The following TMPRSS7 variants were observed in gnomAD, a reference collection of about 807,000 sequenced individuals.
TMPRSS7 encodes the protein transmembrane serine protease 7, also known as transmembrane protease serine 7.
Under a neutral mutation model 95.6 loss-of-function variants are expected in TMPRSS7, and 81 were observed. That is an observed-to-expected ratio of 0.85 (90% CI 0.71 to 1.02). TMPRSS7 has a LOEUF of 1.02. Ranked by LOEUF, TMPRSS7 falls within the 50% of genes least tolerant of loss-of-function variation. The probability of loss-of-function intolerance (pLI) is 0.00; values close to 1 mark genes in which losing one functional copy is unlikely to be tolerated. For missense variants in TMPRSS7, 945 were observed against 955.2 expected (o/e 0.99, Z 0.14); for synonymous variants, 364 against 337.8 (o/e 1.08, Z -0.85).
rs201190006 is a variant in TMPRSS7, at chr3:112,070,776, T to TTTA, written c.1667-3503_1667-3501dup. 4.8e-3 allele frequency among the ~76,000 whole-genome samples: 734 copies of TTTA among 151,900 alleles called. 7 individuals carry two copies. Among genetic ancestry groups the TTTA allele is most frequent in the African/African-American group, 0.016 (659 of 41,472 alleles). On this transcript the variant is annotated intron_variant, in intron 13 of 17. Coordinates refer to ENST00000452346, the Ensembl canonical transcript of TMPRSS7. ...CAGCACACTGATGGGTCTTGACTCT[T>TTTA]TTATTATTATTATTATTATACTTTA...
chr3:112,075,626 C>A, intron 15 of TMPRSS7, 134 bp downstream of exon 15: 1 of 760,502 alleles, frequency 1.3e-6, no homozygotes, highest in Admixed American at 3.6e-5. Context: ...TTTTGGATCC[C>A]ACGTGTGTGA....
At chr3:112,045,862 A>T in exon 5 of TMPRSS7, 1 of 1,551,866 alleles carries the variant, frequency 6.4e-7, no homozygotes, top group Non-Finnish European at 8.7e-7. Context: ...GAAGGACTCC[A>T]TCCAGACAAG....
intron 13 of TMPRSS7, among the ~76,000 whole-genome samples, chr3:112,071,650 T>C (rs1363054139): frequency 1.3e-5 from 2 of 152,236 alleles, no homozygotes; most frequent in Non-Finnish European, 2.9e-5. Flanking sequence ...CATTTCTTTT[T>C]ACTCTTTCTT....
intron 5 of TMPRSS7, 97 bp downstream of exon 5, chr3:112,046,040 G>T: frequency 2.8e-6 from 3 of 1,070,202 alleles, no homozygotes; most frequent in Middle Eastern, 3.1e-4. Flanking sequence ...ATTACAATGT[G>T]GGATTACCCC....
chr3:112,067,357 G>C (rs1402726670), intron 13 of TMPRSS7, among the ~76,000 whole-genome samples: 1 of 152,170 alleles, frequency 6.6e-6, no homozygotes, highest in African/African-American at 2.4e-5. Flanking sequence ...TAATGGGATG[G>C]CTGGGTCAAA....
At chr3:112,073,692 C>G (rs147171242) in intron 13 of TMPRSS7, among the ~76,000 whole-genome samples, 22 of 152,076 alleles carry the variant, frequency 1.4e-4, no homozygotes, top group African/African-American at 4.8e-4. Context: ...TGTAGGTTGC[C>G]TGTTCACTCT....
intron 9 of TMPRSS7, 62 bp downstream of exon 9, chr3:112,050,845 T>A (rs1273776861): frequency 6.3e-6 from 5 of 791,974 alleles, no homozygotes; most frequent in African/African-American, 3.5e-5. Context: ...TAGCATGAAT[T>A]TCATTCATTT....
At chr3:112,072,513 T>C (rs2073662140) in intron 13 of TMPRSS7, among the ~76,000 whole-genome samples, 1 of 152,170 alleles carries the variant, frequency 6.6e-6, no homozygotes, top group African/African-American at 2.4e-5. Flanking sequence ...GCTGTCAGAG[T>C]GGAACGTTTA....
At chr3:112,054,589 A>G (rs1055007459) in intron 9 of TMPRSS7, among the ~76,000 whole-genome samples, 1 of 152,130 alleles carries the variant, frequency 6.6e-6, no homozygotes, top group African/African-American at 2.4e-5. Context: ...AGTGTTACAT[A>G]TGAATCCATT....
intron 7 of TMPRSS7, 113 bp downstream of exon 7, chr3:112,048,080 T>G: frequency 1.1e-6 from 1 of 898,596 alleles, no homozygotes; most frequent in Non-Finnish European, 1.7e-6. Flanking sequence ...TGTGCACACA[T>G]GAGGTCAATG....
At chr3:112,072,873 C>G (rs1254719593) in intron 13 of TMPRSS7, among the ~76,000 whole-genome samples, 5 of 152,254 alleles carry the variant, frequency 3.3e-5, no homozygotes, top group Admixed American at 2.0e-4. Flanking sequence ...CTGCAATAGA[C>G]ATACGTGTGC....
rs546370422 is a variant in TMPRSS7, at chr3:112,036,904, T to C, written c.49-1168T>C. On this transcript the variant is annotated intron_variant, in intron 1 of 17. Transcript: ENST00000452346. ...TACTGCAGTCTCTGAACATAAATTG[T>C]GAAGAGTTCATGGACATTTATCATT... Among the ~76,000 whole-genome samples the C allele has an allele frequency of 2.0e-5, 3 of 152,336 alleles. No homozygotes were observed. In the East Asian group the frequency reaches 5.8e-4, roughly 29 times the overall value.
At chr3:112,051,668 C>CTATCTATCATCTATCTATCTATCTATCT (rs61097993) in intron 9 of TMPRSS7, among the ~76,000 whole-genome samples, 1 of 127,998 alleles carries the variant, frequency 7.8e-6, no homozygotes, top group Admixed American at 8.1e-5. Context: ...ATCTATCTAT[C>CTATCTATCATCTATCTATCTATCTATCT]ATCTATCTAT....
chr3:112,040,617 G>A (rs147055082), intron 2 of TMPRSS7, among the ~76,000 whole-genome samples: 151 of 152,270 alleles, frequency 9.9e-4, no homozygotes, highest in Middle Eastern at 3.4e-3. Flanking sequence ...CTTATTTGCC[G>A]TGGTTTCTCT....
Position 112,074,317 on chromosome 3 carries a change from C to T in TMPRSS7, c.1688C>T (p.Thr563Ile), listed in dbSNP as rs953277298. ...TTAGGTATTCCATGCAACAACAGAA[C>T]TTTTAAGTGTGGCAATGATATTTGC... The change falls in exon 14 of 18, where the codon ACT (threonine) becomes ATT (isoleucine). Residue 563 changes from threonine to isoleucine, a missense_variant. Coordinates refer to ENST00000452346, the Ensembl canonical transcript of TMPRSS7. The T allele has an allele frequency of 6.2e-7, 1 of 1,613,844 alleles. No homozygotes were observed. The highest frequency in any genetic ancestry group is 8.5e-7 in the Non-Finnish European group (1 of 1,179,842).
intron 17 of TMPRSS7, 101 bp from the exon 18 acceptor site, chr3:112,080,813 T>C: frequency 6.9e-6 from 8 of 1,164,230 alleles, no homozygotes; most frequent in Non-Finnish European, 9.3e-6. Flanking sequence ...CAAAAACATG[T>C]CATTAGAGGA....
At chr3:112,067,487 A>G (rs2073591585) in intron 13 of TMPRSS7, among the ~76,000 whole-genome samples, 1 of 152,180 alleles carries the variant, frequency 6.6e-6, no homozygotes, top group Non-Finnish European at 1.5e-5. Flanking sequence ...TCTCTCCAGC[A>G]CCTGTTGTTT....
At chr3:112,074,693 AC>A (rs1382077412) in intron 14 of TMPRSS7, among the ~76,000 whole-genome samples, 2 of 152,202 alleles carry the variant, frequency 1.3e-5, no homozygotes, top group Non-Finnish European at 2.9e-5. Flanking sequence ...TTAAATAAAA[AC>A]CTTGTGAGAA....
intron 2 of TMPRSS7, among the ~76,000 whole-genome samples, chr3:112,038,554 T>C (rs1245792704): frequency 6.6e-6 from 1 of 152,178 alleles, no homozygotes. Flanking sequence ...CACTGCAACC[T>C]TGAACTCCTG....
Sources: allele counts gnomAD v4.1 joint callset (sites outside exome capture counted in the v4.1 genomes callset), GRCh38; gene constraint gnomAD v4.1.1; transcripts MANE v1.5; gene names NCBI Gene and HGNC (gene_info 2026-07-23, HGNC 2026-07-21).